NAALADL2: variants seen among roughly 807,000 people sequenced by gnomAD.
NAALADL2 encodes inactive N-acetylated-alpha-linked acidic dipeptidase-like protein 2.
A neutral mutation model predicts 87.2 loss-of-function variants in NAALADL2; 76 were observed. That is an observed-to-expected ratio of 0.87 (90% CI 0.72 to 1.05). The LOEUF (loss-of-function observed/expected upper bound fraction) is 1.05, where lower values mean the gene tolerates loss of function less well. NAALADL2 is among the 50% of genes least tolerant of loss of function. The pLI is 0.00. For missense variants in NAALADL2, 1,089 were observed against 945.8 expected, an observed-to-expected ratio of 1.15 and a Z score of -1.99; for synonymous variants, 354 against 331.0, an observed-to-expected ratio of 1.07 and a Z score of -0.75.
At chr3:175,476,698 T>A (rs968067254) in intron 9 of NAALADL2, among the ~76,000 whole-genome samples, 1 of 152,164 alleles carries the variant, frequency 6.6e-6, no homozygotes, top group African/African-American at 2.4e-5. Context: ...GCGACTAAAA[T>A]GCCACAGCTT....
At chr3:175,304,282 G>A (rs1007200146) in intron 4 of NAALADL2, among the ~76,000 whole-genome samples, 8 of 152,042 alleles carry the variant, frequency 5.3e-5, no homozygotes, top group African/African-American at 1.2e-4. Flanking sequence ...TTTATTAGTG[G>A]ATACTCTCCT....
chr3:175,020,256 C>T (rs569566997), intron 1 of NAALADL2, among the ~76,000 whole-genome samples: 1 of 151,964 alleles, frequency 6.6e-6, no homozygotes, highest in Admixed American at 6.6e-5. Flanking sequence ...AGTTGCTTCT[C>T]AATTATTCAC....
At chr3:175,230,355 T>C (rs1000768082) in intron 2 of NAALADL2, among the ~76,000 whole-genome samples, 3 of 151,860 alleles carry the variant, frequency 2.0e-5, no homozygotes, top group Admixed American at 1.3e-4. Context: ...GACAATACAT[T>C]GCAAATAAAA....
intron 2 of NAALADL2, among the ~76,000 whole-genome samples, chr3:175,100,089 GCT>G (rs1721873275): frequency 1.3e-5 from 2 of 151,746 alleles, no homozygotes; most frequent in Admixed American, 1.3e-4. Context: ...GATAGCCTAT[GCT>G]CTGATTTTAA....
intron 1 of NAALADL2, among the ~76,000 whole-genome samples, chr3:174,499,241 C>T (rs764176492): frequency 2.0e-5 from 3 of 151,998 alleles, no homozygotes; most frequent in Non-Finnish European, 4.4e-5. Context: ...AATCTGTTAT[C>T]AGATTTTCAA....
In NAALADL2 at chr3:174,574,887, A is replaced by T. The variant is rs186341841; in HGVS notation, c.-115+24250A>T. Among the ~76,000 whole-genome samples the T allele has an allele frequency of 6.8e-3, 1,031 of 152,246 alleles. 9 individuals are homozygous for T. Among genetic ancestry groups the T allele is most frequent in the Non-Finnish European group, 0.011 (722 of 67,964 alleles). On this transcript the variant is annotated intron_variant, in intron 2 of 3. Transcript: ENST00000434257. The stretch of plus-strand genomic sequence containing the variant: ...TATTTTATTTTCTGATACAATTTAT[A>T]AAAGCAAAACGAGTTTATCCATTCT...
At chr3:174,722,191 CCTGGAAATG>C (rs2108954873) in intron 2 of NAALADL2, among the ~76,000 whole-genome samples, 1 of 152,248 alleles carries the variant, frequency 6.6e-6, no homozygotes, top group African/African-American at 2.4e-5. Context: ...CCTCCATGTT[CCTGGAAATG>C]CTGTAGTCCC....
chr3:174,921,821 AGAAAAAG>A lies in NAALADL2; in HGVS notation c.43+62372_43+62378del, dbSNP rs1560367210. Among the ~76,000 whole-genome samples the A allele has an allele frequency of 8.2e-5, 11 of 134,194 alleles. 1 individual carries two copies. The highest frequency in any genetic ancestry group is 8.0e-5 in the Admixed American group (1 of 12,528). The allele number at this position is 134,194 out of a possible 152,430, so 88.0% of individuals were successfully genotyped here. ...CTCCGTCTCAAAAAAAAAAAAAAAAAGAAAAAGAAAAAGAAAAGAAAAAAATCTTCTT... is the reference window on the plus strand; with the variant it reads ...CTCCGTCTCAAAAAAAAAAAAAAAAAAAAAAGAAAAGAAAAAAATCTTCTT... On this transcript the variant is annotated intron_variant, in intron 1 of 13. Transcript: ENST00000454872.
At chr3:175,124,255 G>A (rs9290537) in intron 2 of NAALADL2, among the ~76,000 whole-genome samples, 91,859 of 151,796 alleles carry the variant, frequency 0.61, 28,312 homozygotes, top group African/African-American at 0.73. Flanking sequence ...TTCAAGTAAC[G>A]GAAAATTCAG....
rs1185078758 is a variant in NAALADL2 at position 175,563,573 on chromosome 3, GATA to G, written c.1654-12463_1654-12461del. On this transcript the variant is annotated intron_variant, in intron 9 of 13. Coordinates refer to ENST00000454872, the MANE Select transcript of NAALADL2 (RefSeq NM_207015.3). ...CCATTCTGTCCCAGTGGAAGAATTAGATAATAAGTGGATTGACCTCCGTTTTAC... is the reference window on the plus strand; with the variant it reads ...CCATTCTGTCCCAGTGGAAGAATTAGATAAGTGGATTGACCTCCGTTTTAC... Among the ~76,000 whole-genome samples, 4 of 152,144 alleles carry G rather than the reference GATA, an allele frequency of 2.6e-5. No individual in the cohort carries two copies. In the East Asian group the frequency reaches 7.7e-4, roughly 29 times the overall value.
At chr3:175,387,121 A>G (rs1020928740) in intron 5 of NAALADL2, among the ~76,000 whole-genome samples, 1 of 152,120 alleles carries the variant, frequency 6.6e-6, no homozygotes, top group Non-Finnish European at 1.5e-5. Context: ...AGTAACAGCC[A>G]CAATATGAGA....
At chr3:174,972,761 C>T (rs922102454) in intron 1 of NAALADL2, among the ~76,000 whole-genome samples, 3 of 151,866 alleles carry the variant, frequency 2.0e-5, no homozygotes, top group Non-Finnish European at 2.9e-5. Flanking sequence ...TTTGGGAGGC[C>T]GAGGTGGGCG....
chr3:174,578,735 C>A (rs1189162729), intron 2 of NAALADL2, among the ~76,000 whole-genome samples: 1 of 151,698 alleles, frequency 6.6e-6, no homozygotes, highest in African/African-American at 2.4e-5. Flanking sequence ...TTCTTAATTT[C>A]TTTAACAGTC....
At chr3:175,293,319 A>G (rs963597807) in intron 4 of NAALADL2, among the ~76,000 whole-genome samples, 2 of 152,134 alleles carry the variant, frequency 1.3e-5, no homozygotes, top group Non-Finnish European at 2.9e-5. Flanking sequence ...CTTTAGTCAC[A>G]TCTTCTGAAT....
chr3:174,721,395 G>T (rs1258540174), intron 2 of NAALADL2, among the ~76,000 whole-genome samples: 2 of 152,122 alleles, frequency 1.3e-5, no homozygotes, highest in African/African-American at 4.8e-5. Context: ...TTATGTTAGT[G>T]AAGAGTCTAC....
chr3:175,275,201 T>C (rs536055399), intron 4 of NAALADL2, among the ~76,000 whole-genome samples: 3 of 152,252 alleles, frequency 2.0e-5, no homozygotes, highest in African/African-American at 4.8e-5. Flanking sequence ...CCCATTCCAA[T>C]TTTATTTAAA....
chr3:175,749,687 A>C (rs1490756833), intron 12 of NAALADL2, among the ~76,000 whole-genome samples: 1 of 152,230 alleles, frequency 6.6e-6, no homozygotes, highest in African/African-American at 2.4e-5. Context: ...ATTAATTTTC[A>C]ACATGAGTTT....
At chr3:175,340,518 C>G (rs1185893294) in intron 5 of NAALADL2, among the ~76,000 whole-genome samples, 1 of 152,076 alleles carries the variant, frequency 6.6e-6, no homozygotes, top group Non-Finnish European at 1.5e-5. Context: ...GTCTATGGGA[C>G]CTAGATCAAG....
intron 1 of NAALADL2, among the ~76,000 whole-genome samples, chr3:175,071,831 T>C (rs895772224): frequency 6.6e-6 from 1 of 151,980 alleles, no homozygotes; most frequent in Non-Finnish European, 1.5e-5. Context: ...TGAAAAGAGA[T>C]GAAATAACTA....
Sources: gnomAD v4.1 joint callset for allele counts (sites outside exome capture counted in the v4.1 genomes callset) on GRCh38, gnomAD v4.1.1 for gene constraint, MANE v1.5 for transcripts, NCBI Gene and HGNC (gene_info 2026-07-23, HGNC 2026-07-21) for gene names.